The following ESRRG variants were observed in gnomAD, a reference collection of about 807,000 sequenced individuals.
ESRRG encodes estrogen-related receptor gamma.
ESRRG carries 13 observed loss-of-function variants against 44.0 expected under a neutral mutation model. That is an observed-to-expected ratio of 0.30 (90% CI 0.19 to 0.47). The LOEUF is 0.47. Among genes scored for constraint, ESRRG ranks in the 20% least tolerant of loss-of-function variants. The pLI is 1.00. For synonymous variants in ESRRG, 215 were observed against 214.6 expected (o/e 1.00, Z -0.02); for missense variants, 395 against 580.6 (o/e 0.68, Z 3.29).
intron 1 of ESRRG, among the ~76,000 whole-genome samples, chr1:217,045,582 A>G (rs1379402515): frequency 6.6e-6 from 1 of 152,216 alleles, no homozygotes; most frequent in Non-Finnish European, 1.5e-5. Context: ...CTTTGTGAGG[A>G]GGCACGAGGT....
intron 1 of ESRRG, among the ~76,000 whole-genome samples, chr1:216,967,087 G>T (rs1288066945): frequency 6.6e-6 from 1 of 152,070 alleles, no homozygotes; most frequent in Non-Finnish European, 1.5e-5. Context: ...GTTTAGAGTA[G>T]TTTTGGTGTG....
intron 1 of ESRRG, among the ~76,000 whole-genome samples, chr1:217,009,679 A>T (rs2078253076): frequency 6.8e-6 from 1 of 147,180 alleles, no homozygotes; most frequent in Admixed American, 6.7e-5. Context: ...TATCCCATTG[A>T]GTATAGTTTC....
chr1:216,630,802 T>G (rs1316234997), intron 3 of ESRRG, among the ~76,000 whole-genome samples: 1 of 152,090 alleles, frequency 6.6e-6, no homozygotes, highest in African/African-American at 2.4e-5. Flanking sequence ...GACAGCATGT[T>G]TTGTGAGTGT....
intron 1 of ESRRG, among the ~76,000 whole-genome samples, chr1:217,086,213 A>T (rs2092076737): frequency 6.6e-6 from 1 of 152,214 alleles, no homozygotes; most frequent in African/African-American, 2.4e-5. Flanking sequence ...AAAAGAGAAG[A>T]TCTGCATTTA....
chr1:216,994,241 C>CAA (rs537199617), intron 1 of ESRRG, among the ~76,000 whole-genome samples: 2 of 151,808 alleles, frequency 1.3e-5, no homozygotes, highest in African/African-American at 4.8e-5. Context: ...CATTAAGCAG[C>CAA]GAAAAAAAAT....
chr1:217,059,943 C>T (rs75202706), intron 1 of ESRRG, among the ~76,000 whole-genome samples: 2,534 of 152,050 alleles, frequency 0.017, 41 homozygotes, highest in South Asian at 0.024. Context: ...AGGATGCACA[C>T]TGGGTGACAA....
intron 2 of ESRRG, among the ~76,000 whole-genome samples, chr1:216,750,424 T>A (rs1393681858): frequency 6.6e-6 from 1 of 152,170 alleles, no homozygotes; most frequent in African/African-American, 2.4e-5. Context: ...TAAAAAGCTG[T>A]TCTTCAGTTA....
chr1:216,713,236 A>G (rs1458925859), intron 1 of ESRRG, among the ~76,000 whole-genome samples: 2 of 152,198 alleles, frequency 1.3e-5, no homozygotes, highest in East Asian at 1.9e-4. Context: ...AATGGTTTGT[A>G]TTGAAGAAAA....
intron 2 of ESRRG, among the ~76,000 whole-genome samples, chr1:216,890,787 A>G (rs775631660): frequency 1.3e-5 from 2 of 152,216 alleles, no homozygotes; most frequent in Non-Finnish European, 2.9e-5. Context: ...ATAAACACAC[A>G]TGTAGTTTCA....
chr1:216,914,681 C>T (rs558895166), intron 2 of ESRRG, among the ~76,000 whole-genome samples: 1 of 152,294 alleles, frequency 6.6e-6, no homozygotes, highest in African/African-American at 2.4e-5. Context: ...ACCTCCTCTG[C>T]CAAGCCAGTA....
chr1:216,984,452 G>T lies in ESRRG; in HGVS notation c.-105-44779C>A, dbSNP rs74376882. On this transcript the variant is annotated intron_variant, in intron 1 of 7. Transcript: ENST00000359162. ...GTATTTCTCTAACATCTCCAATATG[G>T]AAGCTTCTTATAATATTTTAGCAGA... Among the ~76,000 whole-genome samples the T allele has an allele frequency of 2.3e-3, 345 of 152,238 alleles. 2 individuals carry two copies. The highest frequency in any genetic ancestry group is 7.6e-3 in the African/African-American group (316 of 41,544).
chr1:216,611,263 G>A (rs184537661), intron 3 of ESRRG, among the ~76,000 whole-genome samples: 1 of 148,046 alleles, frequency 6.8e-6, no homozygotes, highest in Admixed American at 6.7e-5. Flanking sequence ...TTTGGCACAC[G>A]GCAGGTATTT....
Position 216,590,146 on chromosome 1 carries a change from C to T in ESRRG, c.590-22048G>A, listed in dbSNP as rs375330387. Among the ~76,000 whole-genome samples the T allele has an allele frequency of 2.1e-3, 316 of 151,848 alleles. 4 individuals carry two copies. The highest frequency in any genetic ancestry group is 7.1e-3 in the African/African-American group (295 of 41,418). ...TCAATATCACAGATCCTTATCTATG[C>T]CAAAACCCTCTAACAGTAATGGTTG... On this transcript the variant is annotated intron_variant, in intron 3 of 6. Transcript: ENST00000408911.
intron 1 of ESRRG, among the ~76,000 whole-genome samples, chr1:216,683,745 T>A (rs576844862): frequency 1.3e-5 from 2 of 152,224 alleles, no homozygotes; most frequent in African/African-American, 4.8e-5. Flanking sequence ...TCATACCTAC[T>A]GACCAAACTC....
intron 2 of ESRRG, among the ~76,000 whole-genome samples, chr1:216,815,810 T>G (rs1383986272): frequency 6.6e-6 from 1 of 152,180 alleles, no homozygotes; most frequent in Non-Finnish European, 1.5e-5. Context: ...GGGTGTAGAC[T>G]ATTTAAAACT....
intron 2 of ESRRG, among the ~76,000 whole-genome samples, chr1:216,898,682 T>C (rs1295659950): frequency 6.6e-6 from 1 of 152,108 alleles, no homozygotes; most frequent in Admixed American, 6.6e-5. Flanking sequence ...GGCCAAGAGG[T>C]AGTCACAGCT....
intron 5 of ESRRG, among the ~76,000 whole-genome samples, chr1:216,534,566 G>A (rs1459873955): frequency 6.6e-6 from 1 of 152,060 alleles, no homozygotes; most frequent in Admixed American, 6.6e-5. Flanking sequence ...AAATAACATT[G>A]TATTTATACA....
At chr1:217,075,140 TA>T (rs891517180) in intron 1 of ESRRG, among the ~76,000 whole-genome samples, 2 of 152,130 alleles carry the variant, frequency 1.3e-5, no homozygotes, top group Non-Finnish European at 2.9e-5. Flanking sequence ...TGTTAGGTTG[TA>T]AAAAAATCTA....
intron 6 of ESRRG, among the ~76,000 whole-genome samples, chr1:216,509,088 C>G (rs1318978109): frequency 6.6e-6 from 1 of 152,098 alleles, no homozygotes; most frequent in Non-Finnish European, 1.5e-5. Flanking sequence ...TGAACATGGC[C>G]TCATTTTACC....
Sources: allele counts gnomAD v4.1 joint callset (sites outside exome capture counted in the v4.1 genomes callset), GRCh38; gene constraint gnomAD v4.1.1; transcripts MANE v1.5; gene names NCBI Gene and HGNC (gene_info 2026-07-23, HGNC 2026-07-21).